ATP8A2: variants seen among roughly 807,000 people sequenced by gnomAD.
ATP8A2 encodes the protein phospholipid-transporting ATPase IB.
Under a neutral mutation model 165.6 loss-of-function variants are expected in ATP8A2, and 100 were observed. The ratio of observed to expected loss-of-function variants is 0.60; its 90% confidence interval spans 0.51 to 0.71. The LOEUF is 0.71. Ranked by LOEUF, ATP8A2 falls within the 30% of genes least tolerant of loss-of-function variation. ATP8A2 has a pLI of 0.00. For missense variants in ATP8A2, 1,227 were observed against 1,479.5 expected (o/e 0.83, Z 2.80); for synonymous variants, 543 against 548.8 (o/e 0.99, Z 0.15).
At chr13:25,593,467 G>A (rs2040148489) in intron 24 of ATP8A2, among the ~76,000 whole-genome samples, 1 of 152,168 alleles carries the variant, frequency 6.6e-6, no homozygotes, top group Non-Finnish European at 1.5e-5. Flanking sequence ...ATATAGATGA[G>A]ATCAGTGGTC....
intron 2 of ATP8A2, among the ~76,000 whole-genome samples, chr13:25,489,457 G>C (rs1420432253): frequency 1.3e-5 from 2 of 152,172 alleles, no homozygotes; most frequent in Non-Finnish European, 2.9e-5. Context: ...CTGTGCCGCA[G>C]CGTTTCTCAG....
At chr13:25,703,224 C>T (rs953129456) in intron 25 of ATP8A2, among the ~76,000 whole-genome samples, 1 of 152,016 alleles carries the variant, frequency 6.6e-6, no homozygotes, top group Non-Finnish European at 1.5e-5. Context: ...GGACTACAGG[C>T]GCACACCACT....
At chr13:25,751,790 C>G (rs1163987421) in intron 25 of ATP8A2, among the ~76,000 whole-genome samples, 1 of 151,880 alleles carries the variant, frequency 6.6e-6, no homozygotes, top group Non-Finnish European at 1.5e-5. Context: ...CAAAAGTAAT[C>G]TATGTTAATA....
At chr13:25,761,394 T>C (rs2044375264) in intron 25 of ATP8A2, among the ~76,000 whole-genome samples, 2 of 152,200 alleles carry the variant, frequency 1.3e-5, no homozygotes, top group African/African-American at 4.8e-5. Flanking sequence ...CTGTGTTAAA[T>C]AGTCATTTGT....
intron 33 of ATP8A2, among the ~76,000 whole-genome samples, chr13:25,890,142 A>G (rs763665111): frequency 2.0e-5 from 3 of 152,074 alleles, no homozygotes; most frequent in Admixed American, 6.6e-5. Context: ...AGCCTGGGTG[A>G]CGGCGCGAGA....
intron 24 of ATP8A2, among the ~76,000 whole-genome samples, chr13:25,671,718 A>G (rs538434964): frequency 6.6e-6 from 1 of 152,326 alleles, no homozygotes; most frequent in East Asian, 1.9e-4. Context: ...AGATGTTATC[A>G]ATGACAACGG....
intron 1 of ATP8A2, among the ~76,000 whole-genome samples, chr13:25,448,824 A>G (rs1469362378): frequency 2.0e-5 from 3 of 151,790 alleles, no homozygotes; most frequent in African/African-American, 7.3e-5. Context: ...TAATTTTTGT[A>G]TTTTTTTAAT....
rs184250209 is a variant in ATP8A2, at chr13:25,654,926, C to T, written c.2212-44247C>T. 2.0e-5 allele frequency among the ~76,000 whole-genome samples: 3 copies of T among 152,246 alleles called. No homozygotes were observed. In the East Asian group the frequency reaches 5.8e-4, roughly 29 times the overall value. ...ATTCAACTGTTTTCAACAGAAGTCT[C>T]CAAAATTGGTACTCATCCAGGGTTA... On this transcript the variant is annotated intron_variant, in intron 24 of 36. Transcript: ENST00000381655.
intron 30 of ATP8A2, among the ~76,000 whole-genome samples, chr13:25,858,417 G>A (rs995835389): frequency 2.0e-5 from 3 of 152,002 alleles, no homozygotes; most frequent in African/African-American, 4.8e-5. Context: ...CCGTTCTCCC[G>A]ATATAACTCT....
chr13:25,469,187 C>T, intron 2 of ATP8A2, 66 bp downstream of exon 2: 1 of 1,566,498 alleles, frequency 6.4e-7, no homozygotes, highest in Non-Finnish European at 8.6e-7. Flanking sequence ...GCTCGTCCTC[C>T]TGCGCGGGGC....
chr13:25,434,626 G>A (rs1470742248), intron 1 of ATP8A2, among the ~76,000 whole-genome samples: 2 of 152,178 alleles, frequency 1.3e-5, no homozygotes, highest in Admixed American at 6.5e-5. Context: ...TGGGATTACA[G>A]GCATGAGCCA....
intron 24 of ATP8A2, among the ~76,000 whole-genome samples, chr13:25,640,454 C>T (rs1440127199): frequency 1.3e-5 from 2 of 152,226 alleles, no homozygotes; most frequent in Non-Finnish European, 1.5e-5. Context: ...TACAAACTAC[C>T]ATCAGAGAAT....
At chr13:25,513,061 A>G (rs1253888470) in intron 2 of ATP8A2, among the ~76,000 whole-genome samples, 1 of 105,884 alleles carries the variant, frequency 9.4e-6, no homozygotes, top group Admixed American at 9.3e-5. Context: ...GCGGGGGCTG[A>G]CCCCCACCTC....
In ATP8A2 at chr13:25,968,611, G is replaced by A. The variant is rs771068638; in HGVS notation, c.3309G>A (p.Glu1103=). The change falls in exon 35 of 37, where the codon GAG becomes GAA. Residue 1103 remains glutamate, a synonymous_variant. Coordinates refer to ENST00000381655, the MANE Select transcript of ATP8A2 (RefSeq NM_016529.6). Reference sequence around the variant, plus strand: ...CCTGCAAAAAGACATTGCTGGAGGAGGTGCAGGAGCTGGAAACCAAGTCTC... The same window carrying A: ...CCTGCAAAAAGACATTGCTGGAGGAAGTGCAGGAGCTGGAAACCAAGTCTC... ...KHTCKKTLLE[E]VQELETKSRV... 3.7e-6 allele frequency: 6 copies of A among 1,613,846 alleles called. No individual in the cohort carries two copies. The highest frequency in any genetic ancestry group is 5.1e-6 in the Non-Finnish European group (6 of 1,180,012).
chr13:25,765,719 A>T (rs1431975597), intron 25 of ATP8A2, among the ~76,000 whole-genome samples: 1 of 152,160 alleles, frequency 6.6e-6, no homozygotes, highest in African/African-American at 2.4e-5. Flanking sequence ...ACTTTAAGCC[A>T]TTGGAATCCT....
At position 25,601,611 on chromosome 13, in the gene ATP8A2, C is replaced by T. The variant is rs9581403; in HGVS notation, c.2211+11912C>T. Among the ~76,000 whole-genome samples the T allele has an allele frequency of 8.5e-3, 1,297 of 152,182 alleles. 16 individuals carry two copies. Among genetic ancestry groups the T allele is most frequent in the African/African-American group, 0.029 (1,214 of 41,522 alleles). On this transcript the variant is annotated intron_variant, in intron 24 of 36. Coordinates refer to ENST00000381655, the MANE Select transcript of ATP8A2 (RefSeq NM_016529.6). ...TCTCAAGTAGGTGGGACTACAGGCGCGCTACAGGCATGCACCACCAGGCCC... is the reference window on the plus strand; with the variant it reads ...TCTCAAGTAGGTGGGACTACAGGCGTGCTACAGGCATGCACCACCAGGCCC...
intron 1 of ATP8A2, among the ~76,000 whole-genome samples, chr13:25,408,391 C>CA (rs34751522): frequency 0.57 from 83,645 of 145,892 alleles, 23,736 homozygotes; most frequent in East Asian, 0.62. Context: ...GACTCCGTCT[C>CA]AAAAAAAAAA....
chr13:25,676,888 G>A lies in ATP8A2; in HGVS notation c.2212-22285G>A, dbSNP rs541743294. Among the ~76,000 whole-genome samples, 352 of 152,210 alleles carry A rather than the reference G, an allele frequency of 2.3e-3. 3 individuals are homozygous for A. The highest frequency in any genetic ancestry group is 8.2e-3 in the African/African-American group (340 of 41,534). On this transcript the variant is annotated intron_variant, in intron 24 of 36. Transcript: ENST00000381655. ...ACAAGTTAAAACTCCTAAACAAAAAGGTGTCTTATGTTTTGTAGTCTTGCT... is the reference window on the plus strand; with the variant it reads ...ACAAGTTAAAACTCCTAAACAAAAAAGTGTCTTATGTTTTGTAGTCTTGCT...
At chr13:25,431,511 A>T (rs1191905801) in intron 1 of ATP8A2, among the ~76,000 whole-genome samples, 1 of 149,870 alleles carries the variant, frequency 6.7e-6, no homozygotes, top group Admixed American at 6.7e-5. Context: ...GCGGGGGGGG[A>T]ATCTCATACA....
Sources: allele counts gnomAD v4.1 joint callset (sites outside exome capture counted in the v4.1 genomes callset), GRCh38; gene constraint gnomAD v4.1.1; transcripts MANE v1.5; gene names NCBI Gene and HGNC (gene_info 2026-07-23, HGNC 2026-07-21).